ECD: variants seen among roughly 807,000 people sequenced by gnomAD.
ECD encodes protein ecdysoneless homolog.
ECD carries 59 observed loss-of-function variants against 77.2 expected under a neutral mutation model. The observed-to-expected ratio is 0.76, with a 90% CI of 0.62 to 0.95. The LOEUF is 0.95. Among genes scored for constraint, ECD ranks in the 40% least tolerant of loss-of-function variants. The pLI is 0.00. For missense variants in ECD, 704 were observed against 763.4 expected, an observed-to-expected ratio of 0.92 and a Z score of 0.92; for synonymous variants, 233 against 267.4, an observed-to-expected ratio of 0.87 and a Z score of 1.26.
At chr10:73,166,580 T>C (rs1041904426) in intron 1 of ECD, among the ~76,000 whole-genome samples, 2 of 152,226 alleles carry the variant, frequency 1.3e-5, no homozygotes, top group African/African-American at 2.4e-5. Flanking sequence ...TTGAGCACCT[T>C]TTCATAAACC....
At chr10:73,164,074 G>C in intron 1 of ECD, 124 bp from the exon 2 acceptor site, 2 of 770,472 alleles carry the variant, frequency 2.6e-6, no homozygotes, top group South Asian at 3.8e-5. Flanking sequence ...AGTGGTTCAT[G>C]CATGTAATCC....
rs376077848 is a variant in ECD at position 73,142,589 on chromosome 10, G to A, written c.1128-2852C>T. On this transcript the variant is annotated intron_variant, in intron 9 of 13. Coordinates refer to ENST00000372979, the MANE Select transcript of ECD (RefSeq NM_007265.3). ...GTGGAGGCTGCGGTGAGCTGAGATC[G>A]TGCCACTACACTCCAGCCTGGTGAC... 2.0e-5 allele frequency among the ~76,000 whole-genome samples: 3 copies of A among 147,758 alleles called. No homozygotes were observed. In the Admixed American group the frequency reaches 2.1e-4, roughly 10 times the overall value.
intron 5 of ECD, among the ~76,000 whole-genome samples, chr10:73,154,826 C>T (rs1008449017): frequency 6.6e-6 from 1 of 151,662 alleles, no homozygotes; most frequent in Non-Finnish European, 1.5e-5. Context: ...CCCAGCTACT[C>T]GGGAGGCTGA....
intron 1 of ECD, among the ~76,000 whole-genome samples, chr10:73,164,806 A>G (rs2133277542): frequency 6.6e-6 from 1 of 152,362 alleles, no homozygotes; most frequent in Non-Finnish European, 1.5e-5. Context: ...TATCTTTAAA[A>G]TTACGTTAAA....
intron 1 of ECD, among the ~76,000 whole-genome samples, chr10:73,164,350 T>TA (rs75109558): frequency 2.6e-4 from 36 of 140,428 alleles, no homozygotes; most frequent in South Asian, 9.0e-4. Context: ...AGACTCCAAC[T>TA]AAAAAAAAAA....
intron 3 of ECD, among the ~76,000 whole-genome samples, chr10:73,157,471 C>G (rs887997252): frequency 2.0e-5 from 3 of 151,656 alleles, no homozygotes; most frequent in African/African-American, 7.3e-5. Flanking sequence ...GTAATCCCAG[C>G]ACTTTGGGAG....
chr10:73,156,261 G>A lies in ECD; in HGVS notation c.590+14C>T, dbSNP rs774665873. ...AGGTTCCTTAATTAGCAATGAAAGTGATATTTTTCTTACCCTCTGATGCGC... is the reference window on the plus strand; with the variant it reads ...AGGTTCCTTAATTAGCAATGAAAGTAATATTTTTCTTACCCTCTGATGCGC... On this transcript the variant is annotated intron_variant, in intron 5 of 13. Coordinates refer to ENST00000372979, the MANE Select transcript of ECD (RefSeq NM_007265.3). 1.3e-6 allele frequency: 2 copies of A among 1,548,230 alleles called. No individual in the cohort carries two copies. The highest frequency in any genetic ancestry group is 1.7e-6 in the Non-Finnish European group (2 of 1,153,216).
At position 73,152,304 on chromosome 10, in the gene ECD, C is replaced by T. The variant is rs1843221693; in HGVS notation, c.901G>A (p.Gly301Ser). The T allele has an allele frequency of 6.2e-7, 1 of 1,612,462 alleles. No individual in the cohort carries two copies. Among genetic ancestry groups the T allele is most frequent in the South Asian group, 1.1e-5 (1 of 90,972 alleles). ...SDPQYRAHEL[G>S]MKLAHGFEIL... is the part of the protein sequence containing the mutation. The stretch of plus-strand genomic sequence containing the variant: ...TGGTTCAACATTACCAATTTCATGC[C>T]CAATTCATGGGCTCGGTACTGGGGA... Residue 301 changes from glycine to serine, a missense_variant, in exon 7 of 14, where the codon GGC becomes AGC. Coordinates refer to ENST00000372979, the MANE Select transcript of ECD (RefSeq NM_007265.3).
chr10:73,148,236 T>G (rs560693764), intron 8 of ECD, 40 bp downstream of exon 8: 1 of 1,605,260 alleles, frequency 6.2e-7, no homozygotes, highest in South Asian at 1.1e-5. Context: ...TGATTTTCCC[T>G]GGATTGAATA....
At position 73,163,762 on chromosome 10, in the gene ECD, G is replaced by T; in HGVS notation, c.176C>A (p.Pro59His). The T allele has an allele frequency of 6.2e-7, 1 of 1,614,126 alleles. No homozygotes were observed. Among genetic ancestry groups the T allele is most frequent in the Non-Finnish European group, 8.5e-7 (1 of 1,180,026 alleles). Residue 59 changes from proline (P) to histidine (H), a missense_variant, in exon 2 of 14, where the codon CCT becomes CAT. Physicochemically the swap from Pro to His is moderately conservative, Grantham distance 77 (BLOSUM62 -2). Coordinates refer to ENST00000372979, the MANE Select transcript of ECD (RefSeq NM_007265.3). ...MLVPYIWQNQ[P>H]FNLKYKPGKG... The stretch of plus-strand genomic sequence containing the variant: ...CCCAGGTTTATATTTAAGATTGAAA[G>T]GCTGATTCTGCCAGATGTAGGGGAC...
chr10:73,152,478 A>G, intron 6 of ECD, 57 bp from the exon 7 acceptor site: 1 of 1,558,954 alleles, frequency 6.4e-7, no homozygotes. Context: ...ATTGTGAATA[A>G]CACTTCACAG....
rs182963575 is a variant in ECD, at chr10:73,152,324, T to C, written c.881A>G (p.Gln294Arg). The change falls in exon 7 of 14, where the codon CAG (glutamine) becomes CGG (arginine). Residue 294 changes from glutamine (Q) to arginine (R), a missense_variant. Physicochemically the swap from Gln to Arg is conservative, Grantham distance 43. This residue lies in a region of ECD where 559 missense variants were observed against 583.7 expected (regional missense o/e 0.96). Coordinates refer to ENST00000372979, the MANE Select transcript of ECD (RefSeq NM_007265.3). ...CATGCCCAATTCATGGGCTCGGTAC[T>C]GGGGATCAGATGGAGGAGGCAGCCT... ...GYRLPPPSDP[Q>R]YRAHELGMKL... 3 of 1,613,926 alleles carry C rather than the reference T, an allele frequency of 1.9e-6. No homozygotes were observed. Among genetic ancestry groups the C allele is most frequent in the African/African-American group, 2.7e-5 (2 of 75,054 alleles).
At chr10:73,143,907 G>A (rs1470423141) in intron 9 of ECD, among the ~76,000 whole-genome samples, 1 of 146,566 alleles carries the variant, frequency 6.8e-6, no homozygotes, top group Non-Finnish European at 1.5e-5. Flanking sequence ...TTAGATCAGT[G>A]GTTCCCAACC....
intron 7 of ECD, among the ~76,000 whole-genome samples, chr10:73,150,161 G>A (rs1316898703): frequency 6.6e-6 from 1 of 152,110 alleles, no homozygotes; most frequent in Non-Finnish European, 1.5e-5. Flanking sequence ...GCAAGGTACT[G>A]GTACCAAAAC....
chr10:73,154,916 A>G (rs1361237747), intron 5 of ECD, among the ~76,000 whole-genome samples: 1 of 152,080 alleles, frequency 6.6e-6, no homozygotes, highest in African/African-American at 2.4e-5. Flanking sequence ...CCTGGGCGAC[A>G]AGAGCAAAAC....
At chr10:73,150,926 T>C (rs1424556151) in intron 7 of ECD, among the ~76,000 whole-genome samples, 1 of 152,140 alleles carries the variant, frequency 6.6e-6, no homozygotes, top group Non-Finnish European at 1.5e-5. Context: ...ACACTGTTGG[T>C]GGGACTGTAA....
At chr10:73,151,529 T>TA (rs61450651) in intron 7 of ECD, among the ~76,000 whole-genome samples, 64 of 136,818 alleles carry the variant, frequency 4.7e-4, no homozygotes, top group Non-Finnish European at 4.0e-4. Context: ...AGCATAATAA[T>TA]AAAAAAAAAA....
chr10:73,139,442 C>T lies in ECD; in HGVS notation c.1288G>A (p.Ala430Thr), dbSNP rs762168022. The change falls in exon 11 of 14, where the codon GCT (alanine) becomes ACT (threonine). Residue 430 changes from alanine (A) to threonine (T), a missense_variant. Ala to Thr is a moderately conservative substitution (Grantham distance 58). Coordinates refer to ENST00000372979, the MANE Select transcript of ECD (RefSeq NM_007265.3). The part of the protein sequence containing the change: ...PDQLDQLLQE[A>T]VGKKESESVS... ...GACTCGGATTCTTTTTTGCCAACAG[C>T]TTCCTGCAGCAGCTGGTCCAGCTGA... 6.2e-7 allele frequency: 1 copy of T among 1,614,138 alleles called. No homozygotes were observed. Among genetic ancestry groups the T allele is most frequent in the South Asian group, 1.1e-5 (1 of 91,088 alleles).
rs1431878411 is a variant in ECD, at chr10:73,160,503, A to G, written c.254T>C (p.Ile85Thr). The change falls in exon 3 of 14, where the codon ATT (isoleucine) becomes ACT (threonine). Residue 85 changes from isoleucine (I) to threonine (T), a missense_variant. By Grantham distance (89) the Ile-to-Thr change is moderately conservative. Coordinates refer to ENST00000372979, the MANE Select transcript of ECD (RefSeq NM_007265.3). ...MFGVTKFGDN[I>T]EDEWFIVYVI... ...ATAAACAATAAACCATTCATCCTCA[A>G]TGTTATCCCCAAACTTTGTCACGCC... 5 of 1,611,786 alleles carry G rather than the reference A, an allele frequency of 3.1e-6. No homozygotes were observed. Among genetic ancestry groups the G allele is most frequent in the Non-Finnish European group, 4.2e-6 (5 of 1,179,152 alleles).
Sources: allele counts gnomAD v4.1 joint callset (sites outside exome capture counted in the v4.1 genomes callset), GRCh38; gene constraint gnomAD v4.1.1; regional missense constraint gnomAD v4.1.1; transcripts MANE v1.5; gene names NCBI Gene and HGNC (gene_info 2026-07-23, HGNC 2026-07-21).